LPIN2: variants seen among roughly 807,000 people sequenced by gnomAD.
The protein encoded by LPIN2 is lipin 2.
LPIN2 carries 55 observed loss-of-function variants against 111.4 expected under a neutral mutation model. The ratio of observed to expected loss-of-function variants is 0.49; its 90% CI spans 0.40 to 0.62. The LOEUF is 0.62. Among genes scored for constraint, LPIN2 ranks in the 20% least tolerant of loss-of-function variants. The probability of loss-of-function intolerance (pLI) is 0.00; values close to 1 mark genes in which losing one functional copy is unlikely to be tolerated. For missense variants in LPIN2, 992 were observed against 1,112.1 expected, an observed-to-expected ratio of 0.89 and a Z score of 1.54; for synonymous variants, 425 against 414.0, an observed-to-expected ratio of 1.03 and a Z score of -0.32.
chr18:2,927,639 T>C (rs2077153578), intron 12 of LPIN2, 83 bp downstream of exon 12: 2 of 1,473,682 alleles, frequency 1.4e-6, no homozygotes, highest in East Asian at 2.3e-5. Flanking sequence ...TCCAAATTCC[T>C]GTGCCTGACA....
At chr18:2,944,196 C>T (rs1183432736) in intron 4 of LPIN2, among the ~76,000 whole-genome samples, 1 of 151,256 alleles carries the variant, frequency 6.6e-6, no homozygotes, top group Non-Finnish European at 1.5e-5. Context: ...ATAATCAACA[C>T]TGTATCACTA....
At chr18:2,995,047 C>T (rs1388197546) in intron 1 of LPIN2, among the ~76,000 whole-genome samples, 1 of 152,156 alleles carries the variant, frequency 6.6e-6, no homozygotes, top group East Asian at 1.9e-4. Context: ...TCACAGGCCC[C>T]CTTCATATAG....
At chr18:2,946,583 A>G in intron 4 of LPIN2, 1 of 1,024,584 alleles carries the variant, frequency 9.8e-7, no homozygotes, top group South Asian at 1.3e-5. Context: ...GGGAACAGCA[A>G]GAGGATGCGT....
intron 3 of LPIN2, among the ~76,000 whole-genome samples, chr18:2,952,815 A>T (rs1178458881): frequency 2.6e-5 from 4 of 152,252 alleles, no homozygotes; most frequent in Non-Finnish European, 5.9e-5. Flanking sequence ...TACCAGCAAG[A>T]AAATGGTTAA....
intron 5 of LPIN2, among the ~76,000 whole-genome samples, chr18:2,940,198 G>A (rs529447443): frequency 1.7e-4 from 26 of 152,250 alleles, no homozygotes; most frequent in Non-Finnish European, 1.8e-4. Flanking sequence ...ACAGTGGTGC[G>A]TGCCTGTAGT....
Position 2,922,150 on chromosome 18 carries a change from C to T in LPIN2, c.2224G>A (p.Asp742Asn), listed in dbSNP as rs779538504. The T allele has an allele frequency of 6.2e-6, 10 of 1,613,940 alleles. No individual in the cohort carries two copies. The highest frequency in any genetic ancestry group is 1.1e-5 in the South Asian group (1 of 91,086). Residue 742 changes from aspartate (D) to asparagine (N), a missense_variant, in exon 17 of 20, where the codon GAC becomes AAC. This residue lies in a region of LPIN2 where 31 missense variants were observed against 60.3 expected (regional missense o/e 0.51). Transcript: ENST00000677752. Reference sequence around the variant, plus strand: ...CAGTGCAGGTAGCCACGGGTCATGTCGGCCATGCCGATGGCACGAGCCGAG... The same window carrying T: ...CAGTGCAGGTAGCCACGGGTCATGTTGGCCATGCCGATGGCACGAGCCGAG... ...YCSARAIGMA[D>N]MTRGYLHWVN... is the part of the protein sequence containing the mutation.
intron 19 of LPIN2, 21 bp from the exon 20 acceptor site, chr18:2,920,458 G>A: frequency 6.2e-7 from 1 of 1,613,374 alleles, no homozygotes; most frequent in Non-Finnish European, 8.5e-7. Flanking sequence ...GGTTGGGGAA[G>A]AGGCACAGGC....
intron 1 of LPIN2, among the ~76,000 whole-genome samples, chr18:3,002,292 C>T (rs976748117): frequency 3.4e-5 from 5 of 145,838 alleles, no homozygotes; most frequent in Non-Finnish European, 7.5e-5. Flanking sequence ...CCAGTACCTA[C>T]GTTTTTCAAC....
Position 2,917,758 on chromosome 18 carries a change from A to G in LPIN2, c.*2535T>C, listed in dbSNP as rs554043720. The stretch of plus-strand genomic sequence containing the variant: ...ACTCACACGGGACGAGCTTCAGCAC[A>G]CAGACAGCAAAGCAAATACGAGACT... On this transcript the variant is annotated 3_prime_UTR_variant, in exon 20 of 20. Transcript: ENST00000677752. 7.2e-4 allele frequency: 110 copies of G among 152,466 alleles called. No individual in the cohort carries two copies. Among genetic ancestry groups the G allele is most frequent in the Non-Finnish European group, 1.3e-3 (86 of 68,064 alleles). 9.4% of individuals were successfully genotyped at this position (152,466 alleles called of 1,614,324 possible).
In LPIN2 at chr18:2,917,904, C is replaced by T. The variant is rs1195654830; in HGVS notation, c.*2389G>A. On this transcript the variant is annotated 3_prime_UTR_variant, in exon 20 of 20. Coordinates refer to ENST00000677752, the MANE Select transcript of LPIN2 (RefSeq NM_001375808.2). ...CCGTCACCCGTCACTGAAGATAGCG[C>T]GAGGGTGATGCTTCAACTCACCATC... The T allele has an allele frequency of 2.0e-5, 3 of 152,130 alleles. No individual in the cohort carries two copies. Among genetic ancestry groups the T allele is most frequent in the African/African-American group, 4.8e-5 (2 of 41,428 alleles). 9.4% of individuals were successfully genotyped at this position (152,130 alleles called of 1,614,324 possible). A position where few individuals can be genotyped will look rare whatever the true frequency, so the allele number is the denominator to read the frequency against.
chr18:2,932,846 C>T (rs1001806992), intron 8 of LPIN2, among the ~76,000 whole-genome samples: 2 of 152,170 alleles, frequency 1.3e-5, no homozygotes, highest in Non-Finnish European at 1.5e-5. Context: ...GCCTGTGTTC[C>T]TGAATCCCTG....
chr18:2,950,210 TATA>T (rs1159300306), intron 4 of LPIN2: 1 of 152,252 alleles, frequency 6.6e-6, no homozygotes, highest in Non-Finnish European at 1.5e-5. Flanking sequence ...TTACTCTTGA[TATA>T]TATTTGGTTT....
At chr18:2,921,359 C>A (rs1234694870) in intron 18 of LPIN2, 174 bp downstream of exon 18, 1 of 658,424 alleles carries the variant, frequency 1.5e-6, no homozygotes, top group Non-Finnish European at 2.7e-6. Flanking sequence ...ACCTGCAGGA[C>A]CTCCCCAGTT....
At chr18:2,944,479 G>A (rs2077418035) in intron 4 of LPIN2, among the ~76,000 whole-genome samples, 2 of 151,186 alleles carry the variant, frequency 1.3e-5, no homozygotes, top group South Asian at 4.2e-4. Flanking sequence ...AGCCTCCTGA[G>A]TAGCTGGGAC....
chr18:2,985,682 G>A (rs796839316), intron 1 of LPIN2, among the ~76,000 whole-genome samples: 5 of 152,188 alleles, frequency 3.3e-5, no homozygotes, highest in African/African-American at 1.2e-4. Flanking sequence ...CTTTTTAAGA[G>A]GGTATAACGA....
chr18:2,965,183 C>CT (rs1253503480), intron 1 of LPIN2, among the ~76,000 whole-genome samples: 1 of 152,016 alleles, frequency 6.6e-6, no homozygotes, highest in Non-Finnish European at 1.5e-5. Context: ...AACTACAATA[C>CT]TTATTAGAGA....
At chr18:2,985,528 A>C (rs1331715804) in intron 1 of LPIN2, 1 of 151,982 alleles carries the variant, frequency 6.6e-6, no homozygotes, top group Non-Finnish European at 1.5e-5. Context: ...TAACTTAGGG[A>C]AACAAAGCTA....
rs1344450204 is a variant in LPIN2 at position 2,922,043 on chromosome 18, G to A, written c.2327+4C>T. On this transcript the variant is annotated splice_donor_region_variant and intron_variant, in intron 17 of 19. Transcript: ENST00000677752. ...GGGCAGAGGGCTGCCTGCCGGAGAGGTACCTGTGGAAGGCGGAGAACAAGC... is the reference window on the plus strand; with the variant it reads ...GGGCAGAGGGCTGCCTGCCGGAGAGATACCTGTGGAAGGCGGAGAACAAGC... 4 of 1,611,892 alleles carry A rather than the reference G, an allele frequency of 2.5e-6. No homozygotes were observed. In the Admixed American group the frequency reaches 6.7e-5, roughly 27 times the overall value.
chr18:2,972,002 G>A (rs992472939), intron 1 of LPIN2, among the ~76,000 whole-genome samples: 8 of 152,042 alleles, frequency 5.3e-5, no homozygotes, highest in Non-Finnish European at 1.0e-4. Flanking sequence ...AGCCAAGATC[G>A]CGCCACTGCA....
Sources: allele counts gnomAD v4.1 joint callset (sites outside exome capture counted in the v4.1 genomes callset), GRCh38; gene constraint gnomAD v4.1.1; regional missense constraint gnomAD v4.1.1; transcripts MANE v1.5; gene names NCBI Gene and HGNC (gene_info 2026-07-23, HGNC 2026-07-21).